ANKMY1: variants seen among roughly 807,000 people sequenced by gnomAD.
The protein encoded by ANKMY1 is ankyrin repeat and MYND domain-containing protein 1.
A neutral mutation model predicts 102.0 loss-of-function variants in ANKMY1; 98 were observed. The ratio of observed to expected loss-of-function variants is 0.96; its 90% CI spans 0.82 to 1.14. ANKMY1 has a LOEUF of 1.14. Ranked by LOEUF, ANKMY1 falls within the 50% of genes most tolerant of loss-of-function variation. The pLI is 0.00. For synonymous variants in ANKMY1, 582 were observed against 559.9 expected (o/e 1.04, Z -0.56); for missense variants, 1,330 against 1,347.6 (o/e 0.99, Z 0.20).
upstream of ANKMY1, chr2:240,560,743 T>C (rs1277339586): frequency 7.3e-6 from 11 of 1,513,420 alleles, no homozygotes; most frequent in Non-Finnish European, 9.6e-6. Context: ...CCACCGTTGG[T>C]GCGCGTCGCG....
the ANKMY1 span, among the ~76,000 whole-genome samples, chr2:240,470,566 G>A: frequency 6.6e-6 from 1 of 152,108 alleles, no homozygotes; most frequent in Non-Finnish European, 1.5e-5. Flanking sequence ...GAACCCTCAT[G>A]GTTTCTAGCA....
intron 4 of ANKMY1, among the ~76,000 whole-genome samples, chr2:240,535,891 C>A (rs1450593099): frequency 1.4e-5 from 2 of 147,598 alleles, no homozygotes; most frequent in Non-Finnish European, 3.0e-5. Context: ...TAAAAGTGAC[C>A]CAAGCACATA....
At chr2:240,558,492 G>A (rs181265227), upstream of ANKMY1, 5 of 152,422 alleles carry the variant, frequency 3.3e-5, no homozygotes, top group Admixed American at 2.6e-4. Flanking sequence ...CTCGGGGAAG[G>A]ACTGCAGGAG....
At chr2:240,485,331 GAA>G (rs1012691402) in intron 15 of ANKMY1, among the ~76,000 whole-genome samples, 1 of 147,622 alleles carries the variant, frequency 6.8e-6, no homozygotes, top group African/African-American at 2.5e-5. Flanking sequence ...CCGTCTCAAA[GAA>G]AAAAAAAAAG....
chr2:240,507,233 C>G (rs1421278121), intron 13 of ANKMY1, among the ~76,000 whole-genome samples: 2 of 152,122 alleles, frequency 1.3e-5, no homozygotes, highest in African/African-American at 4.8e-5. Context: ...AAATGACCCA[C>G]CGCCCGCCAG....
chr2:240,473,133 A>AC, the ANKMY1 span, among the ~76,000 whole-genome samples: 45 of 150,442 alleles, frequency 3.0e-4, no homozygotes, highest in African/African-American at 5.1e-4. Context: ...TAAAAAAAAA[A>AC]AAAAAACAAA....
At chr2:240,496,371 GATAGA>G (rs1487118781) in intron 15 of ANKMY1, among the ~76,000 whole-genome samples, 10 of 149,112 alleles carry the variant, frequency 6.7e-5, no homozygotes, top group Non-Finnish European at 1.2e-4. Flanking sequence ...TAGATAGATA[GATAGA>G]TAGATAGATA....
chr2:240,512,849 C>T lies in ANKMY1; in HGVS notation c.2098G>A (p.Val700Met). 1 of 1,614,108 alleles carries T rather than the reference C, an allele frequency of 6.2e-7. No homozygotes were observed. Among genetic ancestry groups the T allele is most frequent in the Non-Finnish European group, 8.5e-7 (1 of 1,180,014 alleles). Residue 700 changes from valine (V) to methionine (M), a missense_variant, in exon 10 of 18, where the codon GTG (valine) becomes ATG (methionine). By Grantham distance (21) the Val-to-Met change is conservative. Coordinates refer to ENST00000401804, the MANE Select transcript of ANKMY1 (RefSeq NM_001282771.3). Reference sequence around the variant, plus strand: ...TCCTCGTCGGATGCCTTGGCGTCCACATCGGTGATGGCATGCAACAGCAGC... The same window carrying T: ...TCCTCGTCGGATGCCTTGGCGTCCATATCGGTGATGGCATGCAACAGCAGC... Reference protein sequence around the residue: ...VELLLHAITDVDAKASDEDDT... With the variant: ...VELLLHAITDMDAKASDEDDT...
At chr2:240,495,827 C>A (rs1047469788) in intron 15 of ANKMY1, among the ~76,000 whole-genome samples, 2 of 152,226 alleles carry the variant, frequency 1.3e-5, no homozygotes, top group Non-Finnish European at 2.9e-5. Context: ...TACACCTACT[C>A]ACCTCTTCCC....
chr2:240,497,113 C>A (rs2077365723), intron 15 of ANKMY1, among the ~76,000 whole-genome samples: 1 of 152,042 alleles, frequency 6.6e-6, no homozygotes, highest in Non-Finnish European at 1.5e-5. Context: ...ACCTCCTCGC[C>A]ATCTTGGAAG....
At position 240,512,961 on chromosome 2, in the gene ANKMY1, G is replaced by A. The variant is rs753903443; in HGVS notation, c.2005-19C>T. ...TGCTCAGCTGCAGAGGAAACACCGGGGCGGGCAGTGAGGCACATTCTCGTA... is the reference window on the plus strand; with the variant it reads ...TGCTCAGCTGCAGAGGAAACACCGGAGCGGGCAGTGAGGCACATTCTCGTA... On this transcript the variant is annotated intron_variant, in intron 9 of 17. Transcript: ENST00000401804. 1.2e-6 allele frequency: 2 copies of A among 1,606,842 alleles called. No individual in the cohort carries two copies. The highest frequency in any genetic ancestry group is 1.3e-5 in the African/African-American group (1 of 74,736).
At chr2:240,495,968 C>CT (rs1030508881) in intron 15 of ANKMY1, among the ~76,000 whole-genome samples, 23 of 152,304 alleles carry the variant, frequency 1.5e-4, no homozygotes, top group Non-Finnish European at 1.5e-4. Flanking sequence ...GGATAATGTA[C>CT]TTTGAGTGTG....
Position 240,499,981 on chromosome 2 carries a change from G to A in ANKMY1, c.2783C>T (p.Thr928Met), listed in dbSNP as rs982217545. ...VFAKESQWDP[T>M]WLYLCKRAEL... ...ACCTCTCTTGCACAGGTACAGCCAC[G>A]TGGGGTCCCACTGGCTCTCCTTGGC... The change falls in exon 15 of 18, where the codon ACG becomes ATG. Residue 928 changes from threonine (T) to methionine (M), a missense_variant. Thr to Met is a moderately conservative substitution (Grantham distance 81, BLOSUM62 -1). Coordinates refer to ENST00000401804, the MANE Select transcript of ANKMY1 (RefSeq NM_001282771.3). The surrounding 1 kb of genome is among the most constrained non-coding windows in gnomAD (Gnocchi z 4.2). 1.4e-5 allele frequency: 22 copies of A among 1,612,744 alleles called. No homozygotes were observed. In the South Asian group the frequency reaches 1.6e-4, roughly 12 times the overall value.
At chr2:240,487,599 G>C (rs764421118) in intron 15 of ANKMY1, among the ~76,000 whole-genome samples, 3 of 152,088 alleles carry the variant, frequency 2.0e-5, no homozygotes, top group Non-Finnish European at 4.4e-5. Flanking sequence ...CAGCATATAA[G>C]AGTTCCCTTT....
chr2:240,509,348 C>A lies in ANKMY1; in HGVS notation c.2394G>T (p.Leu798=), dbSNP rs757246647. Reference sequence around the variant, plus strand: ...GTCTGTGGGTACAGAACATGCTCACCAGCTCATTCCCACTGGCAATGGACA... The same window carrying A: ...GTCTGTGGGTACAGAACATGCTCACAAGCTCATTCCCACTGGCAATGGACA... The part of the protein sequence containing the change: ...LSLSIASGNE[L]VVKELLTQGA... Residue 798 remains leucine, a splice_region_variant and synonymous_variant, in exon 12 of 18, where the codon CTG becomes CTT. Coordinates refer to ENST00000401804, the MANE Select transcript of ANKMY1 (RefSeq NM_001282771.3). 41 of 1,611,514 alleles carry A rather than the reference C, an allele frequency of 2.5e-5. No individual in the cohort carries two copies. Among genetic ancestry groups the A allele is most frequent in the Non-Finnish European group, 3.2e-5 (38 of 1,178,404 alleles).
intron 4 of ANKMY1, among the ~76,000 whole-genome samples, chr2:240,538,445 G>A (rs1458911726): frequency 5.9e-5 from 9 of 152,146 alleles, no homozygotes; most frequent in East Asian, 3.9e-4. Flanking sequence ...CGGAGGGTGC[G>A]CCAGGTCCCT....
intron 4 of ANKMY1, among the ~76,000 whole-genome samples, chr2:240,539,422 C>T (rs2087982875): frequency 6.6e-6 from 1 of 152,130 alleles, no homozygotes; most frequent in African/African-American, 2.4e-5. Context: ...CATGAACCCG[C>T]CAGAAGGAAG....
At chr2:240,528,538 C>A (rs2152418078) in intron 5 of ANKMY1, among the ~76,000 whole-genome samples, 1 of 152,250 alleles carries the variant, frequency 6.6e-6, no homozygotes. Flanking sequence ...TCCATGTCAA[C>A]CGAGAGGAGA....
the ANKMY1 span, among the ~76,000 whole-genome samples, chr2:240,472,260 T>TACCAATCC: frequency 2.4e-4 from 30 of 122,462 alleles, no homozygotes; most frequent in African/African-American, 8.3e-4. Flanking sequence ...CCTACCAATC[T>TACCAATCC]ACGGCCGCAC....
Sources: allele counts gnomAD v4.1 joint callset (sites outside exome capture counted in the v4.1 genomes callset), GRCh38; gene constraint gnomAD v4.1.1; non-coding constraint Gnocchi (gnomAD v3.1); transcripts MANE v1.5; gene names NCBI Gene and HGNC (gene_info 2026-07-23, HGNC 2026-07-21).